VRTN: variants seen among roughly 807,000 people sequenced by gnomAD.
The protein encoded by VRTN is vertebrae development associated, also known as vertnin.
A neutral mutation model predicts 18.2 loss-of-function variants in VRTN; 5 were observed. That is an observed-to-expected ratio of 0.27 (90% CI 0.14 to 0.58). The LOEUF (loss-of-function observed/expected upper bound fraction) is 0.58, where lower values mean the gene tolerates loss of function less well. VRTN is among the 20% of genes least tolerant of loss of function. The pLI is 0.91. For synonymous variants in VRTN, 381 were observed against 393.7 expected (o/e 0.97, Z 0.38); for missense variants, 741 against 939.4 (o/e 0.79, Z 2.76).
chr14:74,317,508 A>T (rs1014048560), intron 1 of VRTN, among the ~76,000 whole-genome samples: 2 of 152,138 alleles, frequency 1.3e-5, no homozygotes, highest in Admixed American at 1.3e-4. Flanking sequence ...TTGGTCCAAA[A>T]TGTCAATAGT....
At chr14:74,354,411 C>CT (rs61287508) in intron 1 of VRTN, among the ~76,000 whole-genome samples, 8,760 of 143,664 alleles carry the variant, frequency 0.061, 751 homozygotes, top group African/African-American at 0.2. Flanking sequence ...ATCCATGGGT[C>CT]TTTTTTTTTT....
chr14:74,350,069 C>T lies in VRTN; in HGVS notation c.-2+1417C>T, dbSNP rs1459811265. On this transcript the variant is annotated intron_variant, in intron 1 of 1. Transcript: ENST00000256362. ...TCCTTCCCTGAATGCACCTGGCAACCGGCTTGTCTGCTTTGCATTGCACTT... is the reference window on the plus strand; with the variant it reads ...TCCTTCCCTGAATGCACCTGGCAACTGGCTTGTCTGCTTTGCATTGCACTT... Among the ~76,000 whole-genome samples, 9 of 152,288 alleles carry T rather than the reference C, an allele frequency of 5.9e-5. No homozygotes were observed. In the East Asian group the frequency reaches 1.4e-3, roughly 23 times the overall value.
intron 1 of VRTN, among the ~76,000 whole-genome samples, chr14:74,355,565 C>G (rs963652928): frequency 6.6e-6 from 1 of 152,128 alleles, no homozygotes; most frequent in African/African-American, 2.4e-5. Flanking sequence ...GACAGAGTCT[C>G]GGTCTGTCAC....
rs762353468 is a variant in VRTN, at chr14:74,358,168, C to G, written c.1385C>G (p.Pro462Arg). The G allele has an allele frequency of 6.2e-7, 1 of 1,614,042 alleles. No homozygotes were observed. The highest frequency in any genetic ancestry group is 8.5e-7 in the Non-Finnish European group (1 of 1,180,034). ...CCAGCCCTCTCTGCTGCTGGGACTCCCCAGCTAGCATCTGTTGGGGAAGGG... is the reference window on the plus strand; with the variant it reads ...CCAGCCCTCTCTGCTGCTGGGACTCGCCAGCTAGCATCTGTTGGGGAAGGG... ...PAPALSAAGT[P>R]QLASVGEGAV... Residue 462 changes from proline (P) to arginine (R), a missense_variant, in exon 2 of 2, where the codon CCC (proline) becomes CGC (arginine). Pro to Arg is a moderately radical substitution (Grantham distance 103). Around this residue, in one of 3 missense-constraint regions of VRTN, gnomAD observed 494 missense variants for 546.5 expected, o/e 0.90. Coordinates refer to ENST00000256362, the MANE Select transcript of VRTN (RefSeq NM_018228.3). The surrounding 1 kb of genome is among the most constrained non-coding windows in gnomAD (Gnocchi z 5.4).
At chr14:74,319,585 G>A (rs1262782791) in intron 1 of VRTN, among the ~76,000 whole-genome samples, 1 of 152,152 alleles carries the variant, frequency 6.6e-6, no homozygotes, top group Non-Finnish European at 1.5e-5. Context: ...GATTATGTGT[G>A]AGGAACAGGT....
intron 1 of VRTN, among the ~76,000 whole-genome samples, chr14:74,353,019 G>A (rs894440991): frequency 1.3e-5 from 2 of 152,184 alleles, no homozygotes; most frequent in African/African-American, 4.8e-5. Flanking sequence ...GGCCAGGCAT[G>A]GTGGCTCACG....
At position 74,352,013 on chromosome 14, in the gene VRTN, A is replaced by T. The variant is rs534655892; in HGVS notation, c.-2+3361A>T. On this transcript the variant is annotated intron_variant, in intron 1 of 1. Coordinates refer to ENST00000256362, the MANE Select transcript of VRTN (RefSeq NM_018228.3). Reference sequence around the variant, plus strand: ...CGCGGGCCACCATGCCCAGCTAATTATTTTTTTTTTGTATTTTTAGTAGAC... The same window carrying T: ...CGCGGGCCACCATGCCCAGCTAATTTTTTTTTTTTTGTATTTTTAGTAGAC... 1.0e-3 allele frequency among the ~76,000 whole-genome samples: 144 copies of T among 141,154 alleles called. 1 individual carries two copies. Among genetic ancestry groups the T allele is most frequent in the African/African-American group, 3.6e-3 (136 of 38,214 alleles). 92.6% of individuals were successfully genotyped at this position (141,154 alleles called of 152,430 possible).
intron 1 of VRTN, among the ~76,000 whole-genome samples, chr14:74,332,223 C>CCAT (rs1328717141): frequency 3.9e-5 from 6 of 151,928 alleles, no homozygotes; most frequent in Admixed American, 1.3e-4. Flanking sequence ...CCCAAAGCTT[C>CCAT]CATTTCCTCC....
chr14:74,320,895 C>T lies in VRTN; in HGVS notation c.-163-16828C>T, dbSNP rs554935232. Among the ~76,000 whole-genome samples, 11 of 106,540 alleles carry T rather than the reference C, an allele frequency of 1.0e-4. No homozygotes were observed. The East Asian group carries it at 2.5e-3, about 24-fold the overall frequency. The allele number at this position is 106,540 out of a possible 152,430, so 69.9% of individuals were successfully genotyped here. A position where few individuals can be genotyped will look rare whatever the true frequency, so the allele number is the denominator to read the frequency against. ...GCCATTGCCTGGCCAGATCCCATCT[C>T]TTTAAAAAAAAAAAAAAAAAAAAAA... is the stretch of plus-strand genomic sequence containing the variant. On this transcript the variant is annotated intron_variant, in intron 1 of 2. Coordinates refer to the VRTN transcript ENST00000557177.
chr14:74,316,919 G>A (rs568838318), intron 1 of VRTN, among the ~76,000 whole-genome samples: 1 of 152,162 alleles, frequency 6.6e-6, no homozygotes, highest in East Asian at 1.9e-4. Context: ...TTACAGGTGT[G>A]AGTCACCGCC....
At position 74,357,486 on chromosome 14, in the gene VRTN, C is replaced by T. The variant is rs1595177394; in HGVS notation, c.703C>T (p.Gln235Ter). The part of the protein sequence containing the change: ...QPLTSHFFRH[Q>*]YFAPVVGLEE... ...CCTCACCAGCCACTTCTTCCGCCAC[C>T]AGTACTTTGCCCCTGTGGTGGGGCT... Residue 235 changes from glutamine to a stop codon, truncating the protein, a stop_gained, in exon 2 of 2, where the codon CAG becomes TAG. Coordinates refer to ENST00000256362, the MANE Select transcript of VRTN (RefSeq NM_018228.3). LOFTEE classifies it low-confidence loss of function (END_TRUNC). The surrounding 1 kb of genome is among the most constrained non-coding windows in gnomAD (Gnocchi z 7.8). 1.2e-6 allele frequency: 2 copies of T among 1,612,610 alleles called. No individual in the cohort carries two copies. Among genetic ancestry groups the T allele is most frequent in the Non-Finnish European group, 1.7e-6 (2 of 1,180,008 alleles).
chr14:74,334,668 T>C (rs2085551863), intron 1 of VRTN, among the ~76,000 whole-genome samples: 1 of 152,190 alleles, frequency 6.6e-6, no homozygotes. Flanking sequence ...CTTCCCAACA[T>C]AGGTATATTT....
chr14:74,313,781 G>A (rs2085403007), intron 1 of VRTN, among the ~76,000 whole-genome samples: 2 of 152,292 alleles, frequency 1.3e-5, no homozygotes, highest in Admixed American at 6.5e-5. Flanking sequence ...AGGAGTTGGA[G>A]ACCAGCCTAG....
At chr14:74,314,369 C>CAA (rs1472833112) in intron 1 of VRTN, among the ~76,000 whole-genome samples, 154 of 144,722 alleles carry the variant, frequency 1.1e-3, no homozygotes, top group African/African-American at 3.8e-3. Flanking sequence ...AAATGAGGAC[C>CAA]AAAAGACTCA....
chr14:74,356,325 A>G (rs1354970412), intron 1 of VRTN, among the ~76,000 whole-genome samples: 1 of 151,890 alleles, frequency 6.6e-6, no homozygotes, highest in Non-Finnish European at 1.5e-5. Flanking sequence ...CTGGGATTAC[A>G]GGCTCTTGCC....
At chr14:74,340,555 T>C (rs1374449932) in intron 2 of VRTN, among the ~76,000 whole-genome samples, 1 of 152,060 alleles carries the variant, frequency 6.6e-6, no homozygotes, top group Admixed American at 6.6e-5. Context: ...TGAGAAGCCT[T>C]TTGAGTTTCA....
chr14:74,307,531 AAG>A (rs376909919), intron 1 of VRTN, among the ~76,000 whole-genome samples: 5 of 152,274 alleles, frequency 3.3e-5, no homozygotes, highest in African/African-American at 9.6e-5. Context: ...CACAATAAAA[AAG>A]AGTGTATTGC....
At chr14:74,305,496 TA>T in intron 1 of VRTN, 1 of 207,758 alleles carries the variant, frequency 4.8e-6, no homozygotes. Flanking sequence ...GACAAAAAGT[TA>T]AAGAGGAAAA....
At chr14:74,356,751 G>T in intron 1 of VRTN, 32 bp from the exon 2 acceptor site, 2 of 1,544,264 alleles carry the variant, frequency 1.3e-6, no homozygotes, top group South Asian at 1.2e-5. Flanking sequence ...ACTTCGACCT[G>T]ACTACTGCCC....
Sources: allele counts gnomAD v4.1 joint callset (sites outside exome capture counted in the v4.1 genomes callset), GRCh38; gene constraint gnomAD v4.1.1; regional missense constraint gnomAD v4.1.1; non-coding constraint Gnocchi (gnomAD v3.1); transcripts MANE v1.5; gene names NCBI Gene and HGNC (gene_info 2026-07-23, HGNC 2026-07-21).